The following CLN3 variants were observed in gnomAD, a reference collection of about 807,000 sequenced individuals.
CLN3 encodes the protein battenin.
A neutral mutation model predicts 60.7 loss-of-function variants in CLN3; 49 were observed. That is an observed-to-expected ratio of 0.81 (90% CI 0.64 to 1.02). The LOEUF is 1.02. Among genes scored for constraint, CLN3 ranks in the 50% least tolerant of loss-of-function variants. CLN3 has a pLI of 0.00. For synonymous variants in CLN3, 256 were observed against 245.8 expected, an observed-to-expected ratio of 1.04 and a Z score of -0.39; for missense variants, 516 against 557.4, an observed-to-expected ratio of 0.93 and a Z score of 0.75.
intron 9 of CLN3, among the ~76,000 whole-genome samples, chr16:28,485,392 C>A (rs2046190995): frequency 6.7e-6 from 1 of 150,116 alleles, no homozygotes; most frequent in South Asian, 2.1e-4. Flanking sequence ...TACAGTGAAA[C>A]CCCGTCTCTA....
In CLN3 at chr16:28,477,366, G is replaced by T; in HGVS notation, c.*150C>A. 2.9e-6 allele frequency: 3 copies of T among 1,040,984 alleles called. No individual in the cohort carries two copies. Among genetic ancestry groups the T allele is most frequent in the Non-Finnish European group, 4.3e-6 (3 of 694,088 alleles). 64.5% of individuals were successfully genotyped at this position (1,040,984 alleles called of 1,614,324 possible). On this transcript the variant is annotated 3_prime_UTR_variant, in exon 16 of 16. Transcript: ENST00000636147. The stretch of plus-strand genomic sequence containing the variant: ...GAGACAATGGCTGGCCCCCCTGCAA[G>T]GGAAACAAGGCTTCAGCCCTTCCCT...
chr16:28,472,160 C>T (rs970786113), downstream of CLN3, among the ~76,000 whole-genome samples: 1 of 152,208 alleles, frequency 6.6e-6, no homozygotes, highest in African/African-American at 2.4e-5. Context: ...CGCCTGTAAT[C>T]CCAGTATCTC....
At chr16:28,490,782 G>A (rs2046302150) in intron 3 of CLN3, among the ~76,000 whole-genome samples, 1 of 148,012 alleles carries the variant, frequency 6.8e-6, no homozygotes, top group African/African-American at 2.5e-5. Context: ...AAAAAAAAAG[G>A]TTCAGGCCCG....
chr16:28,481,632 C>T (rs2046097746), intron 14 of CLN3, among the ~76,000 whole-genome samples: 1 of 152,028 alleles, frequency 6.6e-6, no homozygotes, highest in Non-Finnish European at 1.5e-5. Context: ...AGTACTGAAG[C>T]TCAGTTTTGC....
chr16:28,486,712 A>C (rs1596562097), intron 7 of CLN3, 62 bp from the exon 8 acceptor site: 2 of 1,491,080 alleles, frequency 1.3e-6, no homozygotes, highest in Admixed American at 3.8e-5. Context: ...CCAGGCCTCT[A>C]ATGTGTCTGG....
Position 28,482,393 on chromosome 16 carries a change from T to C in CLN3, c.907-11A>G. 6.2e-7 allele frequency: 1 copy of C among 1,613,878 alleles called. No homozygotes were observed. The highest frequency in any genetic ancestry group is 8.5e-7 in the Non-Finnish European group (1 of 1,179,920). ...AAAGAGGAGTTCAAACTGCAACAAA[T>C]ACCAGACAGGGGAGATGGACGGGGC... On this transcript the variant is annotated splice_polypyrimidine_tract_variant and intron_variant, in intron 12 of 15. Transcript: ENST00000636147.
chr16:28,482,128 T>A lies in CLN3; in HGVS notation c.1033A>T (p.Thr345Ser), dbSNP rs150986176. 3.3e-5 allele frequency: 54 copies of A among 1,612,846 alleles called. No homozygotes were observed. Among genetic ancestry groups the A allele is most frequent in the Non-Finnish European group, 3.8e-5 (45 of 1,179,826 alleles). ...SSLRCCRIRF[T>S]WALALLQCLN... ...ACCTGCAGCAGGGCCAGGGCCCAGG[T>A]GAAACGGATGCGACAGCAGCGGAGA... is the stretch of plus-strand genomic sequence containing the variant. Residue 345 changes from threonine (T) to serine (S), a missense_variant, in exon 14 of 16, where the codon ACC becomes TCC. Physicochemically the swap from Thr to Ser is moderately conservative, Grantham distance 58. Transcript: ENST00000636147.
chr16:28,486,626 G>A lies in CLN3; in HGVS notation c.485C>T (p.Ser162Leu). ...GAGGAAGGTGACCTCCCCAAGGCCT[G>A]ATGAGATGCTAGCGAAGACCACACC... ...LCGVVFASISSGLGEVTFLSL... is the reference protein window; with the variant it reads ...LCGVVFASISLGLGEVTFLSL... Residue 162 changes from serine to leucine, a missense_variant, in exon 8 of 16, where the codon TCA (serine) becomes TTA (leucine). By Grantham distance (145) the Ser-to-Leu change is moderately radical. Transcript: ENST00000636147. 1 of 1,610,988 alleles carries A rather than the reference G, an allele frequency of 6.2e-7. No individual in the cohort carries two copies. The highest frequency in any genetic ancestry group is 8.5e-7 in the Non-Finnish European group (1 of 1,178,704).
chr16:28,487,547 G>A lies in CLN3; in HGVS notation c.375-6C>T. The A allele has an allele frequency of 6.2e-7, 1 of 1,613,150 alleles. No homozygotes were observed. The highest frequency in any genetic ancestry group is 1.1e-5 in the South Asian group (1 of 91,044). On this transcript the variant is annotated splice_region_variant and splice_polypyrimidine_tract_variant and intron_variant, in intron 6 of 15. Transcript: ENST00000636147. ...CACTGACGAGAACCCGGGGGCTGAG[G>A]GGGTGAGAAGGGAAGGGAGGGGGAA... is the stretch of plus-strand genomic sequence containing the variant.
chr16:28,477,210 A>G, downstream of CLN3: 1 of 427,790 alleles, frequency 2.3e-6, no homozygotes, highest in Non-Finnish European at 4.4e-6. Flanking sequence ...CTGTCTATAT[A>G]TAGGAAAGTG....
chr16:28,489,779 G>A (rs1338140648), intron 3 of CLN3, among the ~76,000 whole-genome samples: 5 of 152,134 alleles, frequency 3.3e-5, no homozygotes, highest in African/African-American at 9.6e-5. Flanking sequence ...GGAAGAGGCC[G>A]AGTGCAGTGG....
chr16:28,477,553 G>A lies in CLN3; in HGVS notation c.1280C>T (p.Ala427Val), dbSNP rs768194285. The A allele has an allele frequency of 6.2e-7, 1 of 1,613,974 alleles. No individual in the cohort carries two copies. Among genetic ancestry groups the A allele is most frequent in the Admixed American group, 1.7e-5 (1 of 60,024 alleles). ...GCAGAGGAAGTCATGCAGAGGCAAA[G>A]CCAGGAGCCCCGACAGGGAGATCCC... ...TLGISLSGLL[A>V]LPLHDFLCQL... is the part of the protein sequence containing the mutation. Residue 427 changes from alanine to valine, a missense_variant, in exon 16 of 16, where the codon GCT becomes GTT. Coordinates refer to ENST00000636147, the MANE Select transcript of CLN3 (RefSeq NM_001042432.2).
intron 10 of CLN3, 119 bp from the exon 11 acceptor site, chr16:28,482,791 A>G (rs1330012766): frequency 3.9e-6 from 4 of 1,035,242 alleles, no homozygotes; most frequent in African/African-American, 3.2e-5. Flanking sequence ...CTTCCATGCC[A>G]CTGGATTGGA....
At position 28,487,529 on chromosome 16, in the gene CLN3, G is replaced by T; in HGVS notation, c.387C>A (p.Leu129=). The T allele has an allele frequency of 1.2e-6, 2 of 1,613,932 alleles. No homozygotes were observed. The highest frequency in any genetic ancestry group is 1.7e-6 in the Non-Finnish European group (2 of 1,179,956). The change falls in exon 7 of 16, where the codon CTC becomes CTA. Residue 129 remains leucine (L), a synonymous_variant. Transcript: ENST00000636147. ...LHLLPYSPRV[L]VSGICAAGSF... is the part of the protein sequence containing the mutation. The stretch of plus-strand genomic sequence containing the variant: ...TTCCAGCAGCACAAATCCCACTGAC[G>T]AGAACCCGGGGGCTGAGGGGGTGAG...
At chr16:28,488,920 G>A (rs564848662) in intron 4 of CLN3, among the ~76,000 whole-genome samples, 87 of 151,954 alleles carry the variant, frequency 5.7e-4, no homozygotes, top group African/African-American at 2.1e-3. Context: ...TCTTTTTTTT[G>A]AGATGGTGTC....
rs753824583 is a variant in CLN3, at chr16:28,479,733, C to T, written c.1057-1856G>A. 124 of 202,364 alleles carry T rather than the reference C, an allele frequency of 6.1e-4. 1 individual carries two copies. The highest frequency in any genetic ancestry group is 1.2e-4 in the Non-Finnish European group (11 of 94,066). 12.5% of individuals were successfully genotyped at this position (202,364 alleles called of 1,614,324 possible). ...GCAGTGAGCCAAGATTGCACCGCTA[C>T]ATTCCAGCCTGGGCAACAGAGCGAG... On this transcript the variant is annotated intron_variant, in intron 14 of 15. Transcript: ENST00000636147.
downstream of CLN3, among the ~76,000 whole-genome samples, chr16:28,470,831 G>A (rs1428436718): frequency 3.6e-5 from 5 of 137,470 alleles, no homozygotes; most frequent in Admixed American, 7.3e-5. Flanking sequence ...CAGGACACGC[G>A]GGGCAAGGGA....
chr16:28,487,819 G>A, intron 5 of CLN3, 78 bp from the exon 6 acceptor site: 1 of 1,210,726 alleles, frequency 8.3e-7, no homozygotes, highest in Non-Finnish European at 1.2e-6. Context: ...GGAGAGGCAG[G>A]AGCTGGCCAA....
In CLN3 at chr16:28,491,557, T is replaced by A. The variant is rs2046314521; in HGVS notation, c.50A>T (p.Glu17Val). The A allele has an allele frequency of 6.2e-7, 1 of 1,614,026 alleles. No individual in the cohort carries two copies. Among genetic ancestry groups the A allele is most frequent in the Non-Finnish European group, 8.5e-7 (1 of 1,180,024 alleles). ...SRRRFSDSEGEETVPEPRLPL... is the reference protein window; with the variant it reads ...SRRRFSDSEGVETVPEPRLPL... Reference sequence around the variant, plus strand: ...GAGCCGGGGCTCCGGGACGGTCTCCTCCCCTGGGAGAGCGAGAAGAGGGCA... The same window carrying A: ...GAGCCGGGGCTCCGGGACGGTCTCCACCCCTGGGAGAGCGAGAAGAGGGCA... The change falls in exon 3 of 16, where the codon GAG becomes GTG. Residue 17 changes from glutamate to valine, a missense_variant. Glu to Val is a moderately radical substitution (Grantham distance 121). Transcript: ENST00000636147.
Sources: gnomAD v4.1 joint callset for allele counts (sites outside exome capture counted in the v4.1 genomes callset) on GRCh38, gnomAD v4.1.1 for gene constraint, MANE v1.5 for transcripts, NCBI Gene and HGNC (gene_info 2026-07-23, HGNC 2026-07-21) for gene names.